The following TBL1XR1 variants were observed in gnomAD, a reference collection of about 807,000 sequenced individuals.
TBL1XR1 encodes TBL1X/Y related 1, also known as F-box-like/WD repeat-containing protein TBL1XR1.
TBL1XR1 carries 5 observed loss-of-function variants against 66.9 expected under a neutral mutation model. That is an observed-to-expected ratio of 0.07 (90% CI 0.04 to 0.16). TBL1XR1 has a LOEUF of 0.16. Ranked by LOEUF, TBL1XR1 falls within the 10% of genes least tolerant of loss-of-function variation. The pLI, the probability that TBL1XR1 is intolerant of heterozygous loss-of-function variation, is 1.00. For missense variants in TBL1XR1, 238 were observed against 623.2 expected, an observed-to-expected ratio of 0.38 and a Z score of 6.58; for synonymous variants, 210 against 206.0, an observed-to-expected ratio of 1.02 and a Z score of -0.17.
chr3:177,171,697 C>G lies in TBL1XR1; in HGVS notation c.-122+25424G>C, dbSNP rs1358967428. On this transcript the variant is annotated intron_variant, in intron 1 of 15. Transcript: ENST00000457928. ...CAGCCTGGGCAACAGAGCCAGACTC[C>G]GTCTCAAAAAAAAAAAAAAAAAAAA... Among the ~76,000 whole-genome samples the G allele has an allele frequency of 3.7e-5, 3 of 80,558 alleles. No homozygotes were observed. In the East Asian group the frequency reaches 2.0e-3, roughly 54 times the overall value. 52.8% of individuals were successfully genotyped at this position (80,558 alleles called of 152,430 possible). A position where few individuals can be genotyped will look rare whatever the true frequency, so the allele number is the denominator to read the frequency against.
intron 3 of TBL1XR1, among the ~76,000 whole-genome samples, chr3:177,060,810 G>A (rs1422171116): frequency 6.6e-6 from 1 of 152,228 alleles, no homozygotes; most frequent in Non-Finnish European, 1.5e-5. Flanking sequence ...TCTGCATATG[G>A]TTGCTAGATA....
In TBL1XR1 at chr3:177,071,031, G is replaced by GTTTTTTT. The variant is rs764951521; in HGVS notation, c.-45-6016_-45-6010dup. On this transcript the variant is annotated intron_variant, in intron 2 of 15. Transcript: ENST00000457928. ...TGGAACAGACATGTTCTGAGAATCTGTTTTTTTTTTTTTTTTTGAGACAGA... is the reference window on the plus strand; with the variant it reads ...TGGAACAGACATGTTCTGAGAATCTGTTTTTTTTTTTTTTTTTTTTTTTTGAGACAGA... 1.6e-3 allele frequency among the ~76,000 whole-genome samples: 169 copies of GTTTTTTT among 104,654 alleles called. 8 individuals carry two copies. The highest frequency in any genetic ancestry group is 3.4e-3 in the African/African-American group (89 of 25,836). The allele number at this position is 104,654 out of a possible 152,430, so 68.7% of individuals were successfully genotyped here.
chr3:177,040,511 T>C (rs1278132546), intron 10 of TBL1XR1, among the ~76,000 whole-genome samples: 1 of 152,130 alleles, frequency 6.6e-6, no homozygotes, highest in Non-Finnish European at 1.5e-5. Flanking sequence ...GTTAAACTTA[T>C]CAGCCAAGAG....
At chr3:177,097,666 CAGGT>C in intron 2 of TBL1XR1, among the ~76,000 whole-genome samples, 1 of 152,210 alleles carries the variant, frequency 6.6e-6, no homozygotes, top group South Asian at 2.1e-4. Flanking sequence ...TTAATTATAA[CAGGT>C]AGAATCCTAG....
At chr3:177,176,610 C>T (rs1394672639) in intron 1 of TBL1XR1, among the ~76,000 whole-genome samples, 2 of 151,284 alleles carry the variant, frequency 1.3e-5, no homozygotes, top group African/African-American at 2.4e-5. Flanking sequence ...GTCAGGAGTT[C>T]GAGACCAGCC....
At chr3:177,146,756 G>C (rs1730307198) in intron 1 of TBL1XR1, among the ~76,000 whole-genome samples, 1 of 151,932 alleles carries the variant, frequency 6.6e-6, no homozygotes. Flanking sequence ...ACCGTCCGTT[G>C]TTTTCCTTAA....
chr3:177,029,400 C>T (rs1713620125), intron 14 of TBL1XR1, among the ~76,000 whole-genome samples: 1 of 152,050 alleles, frequency 6.6e-6, no homozygotes, highest in South Asian at 2.1e-4. Flanking sequence ...CAAGTGGATC[C>T]CTTGAGCCTA....
chr3:177,097,093 A>G (rs1338184409), intron 2 of TBL1XR1, among the ~76,000 whole-genome samples: 2 of 152,182 alleles, frequency 1.3e-5, no homozygotes, highest in African/African-American at 4.8e-5. Context: ...AATAGGAATT[A>G]TTTCTGGGAA....
At chr3:177,105,724 T>TG (rs1724799512) in intron 1 of TBL1XR1, among the ~76,000 whole-genome samples, 1 of 152,054 alleles carries the variant, frequency 6.6e-6, no homozygotes, top group Non-Finnish European at 1.5e-5. Flanking sequence ...CAGATGTAAT[T>TG]GGTCTAGGGT....
At chr3:177,082,738 TTATATATATATATA>T (rs374510003) in intron 2 of TBL1XR1, among the ~76,000 whole-genome samples, 1,878 of 63,248 alleles carry the variant, frequency 0.03, 134 homozygotes, top group South Asian at 0.06. Context: ...AAGATAGAGA[TTATATATATATATA>T]TATATATATA....
intron 4 of TBL1XR1, 147 bp downstream of exon 4, chr3:177,053,626 C>G (rs1049659484): frequency 1.4e-6 from 1 of 733,736 alleles, no homozygotes; most frequent in African/African-American, 1.8e-5. Context: ...GCCGGTGCAA[C>G]CTGACTACCA....
At chr3:177,135,569 A>G (rs1357295956) in intron 1 of TBL1XR1, among the ~76,000 whole-genome samples, 1 of 149,458 alleles carries the variant, frequency 6.7e-6, no homozygotes, top group African/African-American at 2.5e-5. Flanking sequence ...TTTTTAGTAG[A>G]GACGGCGTTT....
intron 10 of TBL1XR1, among the ~76,000 whole-genome samples, chr3:177,045,183 T>C (rs986619841): frequency 6.6e-6 from 1 of 152,170 alleles, no homozygotes; most frequent in Admixed American, 6.6e-5. Context: ...TTAAAGTTGA[T>C]GCTGTGCCAC....
At chr3:177,057,491 T>C (rs1717951479) in intron 3 of TBL1XR1, among the ~76,000 whole-genome samples, 2 of 152,234 alleles carry the variant, frequency 1.3e-5, no homozygotes, top group Admixed American at 1.3e-4. Context: ...AATGCAATTA[T>C]ACTATAATGT....
chr3:177,040,331 A>G (rs766414694), intron 10 of TBL1XR1, among the ~76,000 whole-genome samples: 2 of 152,172 alleles, frequency 1.3e-5, no homozygotes, highest in Non-Finnish European at 2.9e-5. Context: ...AAACAAAAAC[A>G]AAAAGTTTAG....
chr3:177,152,448 G>A (rs537226451), intron 1 of TBL1XR1, among the ~76,000 whole-genome samples: 7 of 152,080 alleles, frequency 4.6e-5, no homozygotes, highest in African/African-American at 9.6e-5. Context: ...CACCACGCCC[G>A]GCTAATTTTT....
At chr3:177,194,556 T>C (rs754109791) in intron 1 of TBL1XR1, among the ~76,000 whole-genome samples, 1 of 152,224 alleles carries the variant, frequency 6.6e-6, no homozygotes, top group South Asian at 2.1e-4. Context: ...TGCTACAAGT[T>C]GTACTAGGGA....
At chr3:177,106,385 C>T (rs768994496) in intron 1 of TBL1XR1, among the ~76,000 whole-genome samples, 14 of 152,188 alleles carry the variant, frequency 9.2e-5, no homozygotes, top group African/African-American at 2.2e-4. Context: ...GTTCTACGTG[C>T]GCCCCATCCC....
At chr3:177,053,604 C>T (rs748530771) in intron 4 of TBL1XR1, among the ~76,000 whole-genome samples, 169 bp downstream of exon 4, 2 of 152,128 alleles carry the variant, frequency 1.3e-5, no homozygotes, top group South Asian at 2.1e-4. Context: ...TACAACTAGG[C>T]GCCAACACCT....
Sources: gnomAD v4.1 joint callset for allele counts (sites outside exome capture counted in the v4.1 genomes callset) on GRCh38, gnomAD v4.1.1 for gene constraint, MANE v1.5 for transcripts, NCBI Gene and HGNC (gene_info 2026-07-23, HGNC 2026-07-21) for gene names.